The following NFIB variants were observed in gnomAD, a reference collection of about 807,000 sequenced individuals.
NFIB encodes the protein nuclear factor 1 B-type.
NFIB carries 11 observed loss-of-function variants against 61.5 expected under a neutral mutation model. That is an observed-to-expected ratio of 0.18 (90% confidence interval 0.11 to 0.30). The LOEUF (loss-of-function observed/expected upper bound fraction) is 0.30, where lower values mean the gene tolerates loss of function less well. Among genes scored for constraint, NFIB ranks in the 10% least tolerant of loss-of-function variants. The pLI, the probability that NFIB is intolerant of heterozygous loss-of-function variation, is 1.00. For synonymous variants in NFIB, 260 were observed against 216.5 expected, an observed-to-expected ratio of 1.20 and a Z score of -1.76; for missense variants, 471 against 608.9, an observed-to-expected ratio of 0.77 and a Z score of 2.38.
intron 2 of NFIB, among the ~76,000 whole-genome samples, chr9:14,283,812 G>A (rs1030921943): frequency 2.5e-4 from 38 of 152,194 alleles, no homozygotes; most frequent in African/African-American, 9.2e-4. Context: ...ACAAACAGAT[G>A]CACATCTAAG....
intron 5 of NFIB, among the ~76,000 whole-genome samples, chr9:14,149,630 T>C (rs1170932324): frequency 1.3e-5 from 2 of 152,184 alleles, no homozygotes; most frequent in South Asian, 2.1e-4. Flanking sequence ...AGTATTTTCA[T>C]TGGTAACAGA....
intron 2 of NFIB, among the ~76,000 whole-genome samples, chr9:14,231,844 C>G (rs2053225695): frequency 6.6e-6 from 1 of 152,010 alleles, no homozygotes; most frequent in Admixed American, 6.6e-5. Flanking sequence ...TAACAAAAAC[C>G]CTTTTTGTTG....
chr9:14,211,313 T>C (rs912443671), intron 2 of NFIB, among the ~76,000 whole-genome samples: 7 of 152,188 alleles, frequency 4.6e-5, no homozygotes, highest in African/African-American at 1.4e-4. Context: ...CAGATATGAA[T>C]GGACCTGGGA....
upstream of NFIB, among the ~76,000 whole-genome samples, chr9:14,318,542 G>A (rs926848826): frequency 6.3e-5 from 6 of 95,862 alleles, no homozygotes; most frequent in Non-Finnish European, 1.1e-4. Flanking sequence ...GCTCTTGCAT[G>A]TGGTTTGCAA....
chr9:14,421,325 A>G, the NFIB span, among the ~76,000 whole-genome samples: 1 of 152,234 alleles, frequency 6.6e-6, no homozygotes, highest in African/African-American at 2.4e-5. Context: ...AAATAATTAT[A>G]AATGTTAATT....
At chr9:14,441,736 A>T in the NFIB span, among the ~76,000 whole-genome samples, 1 of 152,098 alleles carries the variant, frequency 6.6e-6, no homozygotes, top group African/African-American at 2.4e-5. Context: ...CGTGGAAGAG[A>T]ATCACCAAGT....
intron 2 of NFIB, among the ~76,000 whole-genome samples, chr9:14,301,326 A>G (rs1332561102): frequency 6.6e-6 from 1 of 152,176 alleles, no homozygotes; most frequent in Non-Finnish European, 1.5e-5. Context: ...ACAAATATGG[A>G]GATATTTGGA....
the NFIB span, among the ~76,000 whole-genome samples, chr9:14,463,434 T>C: frequency 6.6e-6 from 1 of 151,758 alleles, no homozygotes; most frequent in East Asian, 1.9e-4. Flanking sequence ...TAACAGGATT[T>C]TTCCCTTATA....
chr9:14,148,967 T>A (rs1403989441), intron 5 of NFIB, among the ~76,000 whole-genome samples: 1 of 152,200 alleles, frequency 6.6e-6, no homozygotes, highest in African/African-American at 2.4e-5. Flanking sequence ...AAGGAAGTAC[T>A]AGAGAAATGT....
chr9:14,419,070 C>G, the NFIB span, among the ~76,000 whole-genome samples: 5 of 151,854 alleles, frequency 3.3e-5, 1 homozygote, highest in South Asian at 1.0e-3. Flanking sequence ...AGTCACCAAA[C>G]AAAGAGGCTG....
intron 2 of NFIB, among the ~76,000 whole-genome samples, chr9:14,289,349 G>T (rs979711641): frequency 2.0e-5 from 3 of 151,002 alleles, no homozygotes; most frequent in Non-Finnish European, 4.4e-5. Flanking sequence ...AGAGAACAAG[G>T]GGAAAAGAAG....
chr9:14,328,112 T>G (rs2060776616), intron 1 of NFIB, among the ~76,000 whole-genome samples: 1 of 152,224 alleles, frequency 6.6e-6, no homozygotes, highest in South Asian at 2.1e-4. Context: ...CTCTGCTTTT[T>G]TCTCTTCATA....
At chr9:14,215,250 C>T (rs10115456) in intron 2 of NFIB, among the ~76,000 whole-genome samples, 2,578 of 149,548 alleles carry the variant, frequency 0.017, 264 homozygotes, top group African/African-American at 0.061. Flanking sequence ...ATATTGGAAC[C>T]GAAGAAAAAG....
At chr9:14,104,956 C>T (rs2036335667) in intron 10 of NFIB, among the ~76,000 whole-genome samples, 1 of 152,070 alleles carries the variant, frequency 6.6e-6, no homozygotes, top group Non-Finnish European at 1.5e-5. Context: ...TATGCTTTCA[C>T]AAAGCCAGGG....
the NFIB span, among the ~76,000 whole-genome samples, chr9:14,472,738 G>A: frequency 6.6e-6 from 1 of 152,078 alleles, no homozygotes; most frequent in Non-Finnish European, 1.5e-5. Flanking sequence ...CTACTCGGGA[G>A]GCTGAGGCAG....
At chr9:14,289,742 G>A (rs1361742673) in intron 2 of NFIB, among the ~76,000 whole-genome samples, 3 of 151,976 alleles carry the variant, frequency 2.0e-5, no homozygotes, top group African/African-American at 7.2e-5. Context: ...TTTAAATGAT[G>A]TGTCATTTTT....
intron 2 of NFIB, among the ~76,000 whole-genome samples, chr9:14,277,213 T>A (rs2058059144): frequency 6.6e-6 from 1 of 152,196 alleles, no homozygotes; most frequent in South Asian, 2.1e-4. Flanking sequence ...CTTTCTACAA[T>A]TCAGAATTTT....
Position 14,086,860 on chromosome 9 carries a change from G to C in NFIB, c.*1449C>G, listed in dbSNP as rs1428014275. 2 of 203,272 alleles carry C rather than the reference G, an allele frequency of 9.8e-6. No individual in the cohort carries two copies. Among genetic ancestry groups the C allele is most frequent in the Non-Finnish European group, 2.0e-5 (2 of 99,120 alleles). The allele number at this position is 203,272 out of a possible 1,614,324, so 12.6% of individuals were successfully genotyped here. On this transcript the variant is annotated 3_prime_UTR_variant, in exon 11 of 11. Coordinates refer to ENST00000380953, the MANE Select transcript of NFIB (RefSeq NM_001190737.2). ...GACATTATATCTTCGTGCAAATTAG[G>C]ATTACTGGAAAGAGTATTTTTAATT...
At chr9:14,306,510 G>A (rs375743902) in intron 2 of NFIB, among the ~76,000 whole-genome samples, 2 of 151,804 alleles carry the variant, frequency 1.3e-5, no homozygotes, top group Non-Finnish European at 2.9e-5. Flanking sequence ...TTTTCAGTGC[G>A]ATACCACTAA....
Sources: gnomAD v4.1 joint callset for allele counts (sites outside exome capture counted in the v4.1 genomes callset) on GRCh38, gnomAD v4.1.1 for gene constraint, MANE v1.5 for transcripts, NCBI Gene and HGNC (gene_info 2026-07-23, HGNC 2026-07-21) for gene names.